ADAMTSL1: variants seen among roughly 807,000 people sequenced by gnomAD.
The protein encoded by ADAMTSL1 is ADAMTS like 1.
ADAMTSL1 carries 126 observed loss-of-function variants against 201.8 expected under a neutral mutation model. That is an observed-to-expected ratio of 0.62 (90% CI 0.54 to 0.72). The LOEUF is 0.72. ADAMTSL1 is among the 30% of genes least tolerant of loss of function. The pLI is 0.00. For synonymous variants in ADAMTSL1, 1,121 were observed against 903.4 expected (o/e 1.24, Z -4.32); for missense variants, 2,679 against 2,277.8 (o/e 1.18, Z -3.59).
intron 2 of ADAMTSL1, among the ~76,000 whole-genome samples, chr9:18,512,154 C>G (rs993267262): frequency 2.0e-4 from 31 of 152,258 alleles, no homozygotes; most frequent in African/African-American, 7.5e-4. Context: ...TTTGCAGTTG[C>G]CTTCCTTTTA....
intron 1 of ADAMTSL1, among the ~76,000 whole-genome samples, chr9:18,059,699 A>G (rs1482045692): frequency 2.6e-5 from 4 of 152,158 alleles, no homozygotes; most frequent in African/African-American, 7.2e-5. Flanking sequence ...ACCTTGTACA[A>G]TCTTACCCGG....
chr9:18,065,831 A>G (rs1387070481), intron 1 of ADAMTSL1, among the ~76,000 whole-genome samples: 1 of 151,966 alleles, frequency 6.6e-6, no homozygotes, highest in Non-Finnish European at 1.5e-5. Flanking sequence ...AAATACAAAA[A>G]TTAGCTGGGC....
At chr9:18,709,547 T>C (rs1479459729) in intron 14 of ADAMTSL1, among the ~76,000 whole-genome samples, 1 of 152,224 alleles carries the variant, frequency 6.6e-6, no homozygotes, top group Non-Finnish European at 1.5e-5. Flanking sequence ...AGTAATTTAG[T>C]CTGTAGTTGG....
At chr9:18,226,525 CTT>C (rs991419745) in intron 2 of ADAMTSL1, among the ~76,000 whole-genome samples, 27 of 152,116 alleles carry the variant, frequency 1.8e-4, no homozygotes, top group African/African-American at 6.0e-4. Context: ...CATAGCTAGT[CTT>C]TTTATTTTCA....
At chr9:18,192,959 A>T (rs1453220231) in intron 2 of ADAMTSL1, among the ~76,000 whole-genome samples, 1 of 152,170 alleles carries the variant, frequency 6.6e-6, no homozygotes, top group Non-Finnish European at 1.5e-5. Context: ...TATATAATAT[A>T]CACAGGAACT....
At chr9:18,172,154 C>T (rs886529786) in intron 2 of ADAMTSL1, among the ~76,000 whole-genome samples, 2 of 151,730 alleles carry the variant, frequency 1.3e-5, no homozygotes, top group African/African-American at 4.8e-5. Flanking sequence ...GGAGGGATAG[C>T]ATTAGGAGAA....
chr9:18,462,938 C>CA (rs1820863693), intron 2 of ADAMTSL1, among the ~76,000 whole-genome samples: 2 of 148,646 alleles, frequency 1.3e-5, no homozygotes, highest in African/African-American at 2.5e-5. Context: ...GAATCCATCT[C>CA]AAAAAAATAA....
intron 1 of ADAMTSL1, among the ~76,000 whole-genome samples, chr9:18,031,680 C>A (rs146548780): frequency 3.3e-5 from 5 of 152,132 alleles, no homozygotes; most frequent in East Asian, 1.9e-4. Flanking sequence ...TTTGGTGGAG[C>A]CTTTTCCAAT....
chr9:18,315,458 T>C (rs1053263475), intron 2 of ADAMTSL1, among the ~76,000 whole-genome samples: 23 of 152,032 alleles, frequency 1.5e-4, no homozygotes, highest in South Asian at 6.3e-4. Flanking sequence ...GGTTCGGGCA[T>C]TGGGGGCTGC....
chr9:18,561,104 G>T (rs922893209), intron 3 of ADAMTSL1, among the ~76,000 whole-genome samples: 2 of 151,900 alleles, frequency 1.3e-5, no homozygotes, highest in South Asian at 4.2e-4. Flanking sequence ...TGCTTCCCTA[G>T]GTCTTGTAAT....
chr9:18,534,632 T>C (rs7389933), intron 3 of ADAMTSL1, among the ~76,000 whole-genome samples: 34,689 of 152,204 alleles, frequency 0.23, 4,790 homozygotes, highest in Admixed American at 0.34. Context: ...GCCCAGAAGA[T>C]ATTCTCTATG....
chr9:18,788,613 A>ATATACATTT (rs1821847457), intron 19 of ADAMTSL1, among the ~76,000 whole-genome samples: 2 of 152,202 alleles, frequency 1.3e-5, no homozygotes, highest in Non-Finnish European at 2.9e-5. Context: ...AATAAAAAGC[A>ATATACATTT]TATACATTTG....
intron 2 of ADAMTSL1, among the ~76,000 whole-genome samples, chr9:18,343,215 T>C (rs1228298285): frequency 6.6e-6 from 1 of 152,098 alleles, no homozygotes; most frequent in Non-Finnish European, 1.5e-5. Context: ...GTTAGTTTTG[T>C]AGGTCTTAAG....
At chr9:18,132,626 G>A (rs1825998924) in intron 1 of ADAMTSL1, among the ~76,000 whole-genome samples, 1 of 152,104 alleles carries the variant, frequency 6.6e-6, no homozygotes, top group African/African-American at 2.4e-5. Flanking sequence ...TTCTCCAAGT[G>A]GGCTTCTTTG....
chr9:18,687,220 G>A (rs376010727), intron 13 of ADAMTSL1, among the ~76,000 whole-genome samples: 2 of 152,158 alleles, frequency 1.3e-5, no homozygotes, highest in Non-Finnish European at 2.9e-5. Flanking sequence ...CCTAAGAAAC[G>A]TCCTAAGTGT....
intron 2 of ADAMTSL1, among the ~76,000 whole-genome samples, chr9:18,388,763 T>C (rs1326303355): frequency 6.6e-6 from 1 of 151,772 alleles, no homozygotes; most frequent in Non-Finnish European, 1.5e-5. Flanking sequence ...GAATTTTTTT[T>C]TCTTTTTTTT....
intron 16 of ADAMTSL1, among the ~76,000 whole-genome samples, chr9:18,759,733 TG>T: frequency 6.6e-6 from 1 of 152,236 alleles, no homozygotes; most frequent in East Asian, 1.9e-4. Flanking sequence ...TTTTGATGGA[TG>T]TGCAGCTGCT....
chr9:18,375,509 T>C (rs1309689464), intron 2 of ADAMTSL1, among the ~76,000 whole-genome samples: 1 of 152,352 alleles, frequency 6.6e-6, no homozygotes, highest in Non-Finnish European at 1.5e-5. Context: ...AAATTCATTA[T>C]ACACGATCAA....
At position 18,910,917 on chromosome 9, in the gene ADAMTSL1, T is replaced by A. The variant is rs1253265483; in HGVS notation, c.*2369T>A. 1.3e-5 allele frequency: 2 copies of A among 152,386 alleles called. No homozygotes were observed. The highest frequency in any genetic ancestry group is 4.1e-4 in the South Asian group (2 of 4,830). The allele number at this position is 152,386 out of a possible 1,614,324, so 9.4% of individuals were successfully genotyped here. On this transcript the variant is annotated 3_prime_UTR_variant, in exon 29 of 29. Coordinates refer to ENST00000380548, the MANE Select transcript of ADAMTSL1 (RefSeq NM_001040272.6). ...CTAAAACACAAAACTGTATTTGTAT[T>A]TTTTGTACAGATAATACAGCTTATT...
Sources: allele counts gnomAD v4.1 joint callset (sites outside exome capture counted in the v4.1 genomes callset), GRCh38; gene constraint gnomAD v4.1.1; transcripts MANE v1.5; gene names NCBI Gene and HGNC (gene_info 2026-07-23, HGNC 2026-07-21).